Variants in DNAJC1 observed in about 807,000 individuals in gnomAD.
DNAJC1 encodes the protein dnaJ homolog subfamily C member 1.
A neutral mutation model predicts 76.6 loss-of-function variants in DNAJC1; 58 were observed. The observed-to-expected ratio is 0.76, with a 90% confidence interval of 0.61 to 0.94. DNAJC1 has a LOEUF of 0.94. Ranked by LOEUF, DNAJC1 falls within the 40% of genes least tolerant of loss-of-function variation. The pLI, the probability that DNAJC1 is intolerant of heterozygous loss-of-function variation, is 0.00. For missense variants in DNAJC1, 689 were observed against 677.3 expected, an observed-to-expected ratio of 1.02 and a Z score of -0.19; for synonymous variants, 258 against 267.9, an observed-to-expected ratio of 0.96 and a Z score of 0.36.
At chr10:21,925,382 A>G (rs1349054524) in intron 3 of DNAJC1, among the ~76,000 whole-genome samples, 1 of 152,130 alleles carries the variant, frequency 6.6e-6, no homozygotes, top group Non-Finnish European at 1.5e-5. Flanking sequence ...TTCATGCTAT[A>G]TATGTTCTTG....
chr10:21,849,353 T>A, intron 8 of DNAJC1, among the ~76,000 whole-genome samples: 1 of 115,698 alleles, frequency 8.6e-6, no homozygotes, highest in African/African-American at 3.3e-5. Flanking sequence ...GTATTTCAAA[T>A]TAATAATTTA....
chr10:21,980,716 G>T (rs1838141486), intron 1 of DNAJC1, among the ~76,000 whole-genome samples: 1 of 151,946 alleles, frequency 6.6e-6, no homozygotes, highest in African/African-American at 2.4e-5. Flanking sequence ...CCAGGTGAAA[G>T]GTATATGAGA....
At chr10:21,985,024 T>C (rs372360301) in intron 1 of DNAJC1, among the ~76,000 whole-genome samples, 3 of 152,238 alleles carry the variant, frequency 2.0e-5, no homozygotes, top group African/African-American at 7.2e-5. Context: ...TAGAAAATTC[T>C]GAAAATTTCC....
chr10:21,836,337 G>A (rs1019324841), intron 8 of DNAJC1, among the ~76,000 whole-genome samples: 54 of 152,066 alleles, frequency 3.6e-4, no homozygotes, highest in Non-Finnish European at 7.6e-4. Context: ...CACTAAACAT[G>A]GAAAGGAACA....
At chr10:21,815,359 T>C (rs1158495240) in intron 8 of DNAJC1, among the ~76,000 whole-genome samples, 11 of 152,196 alleles carry the variant, frequency 7.2e-5, no homozygotes, top group Non-Finnish European at 1.5e-5. Context: ...GATGTCCTCC[T>C]TGTGGGCCAA....
At chr10:21,777,065 T>C (rs1834461661) in intron 9 of DNAJC1, among the ~76,000 whole-genome samples, 1 of 152,180 alleles carries the variant, frequency 6.6e-6, no homozygotes, top group Non-Finnish European at 1.5e-5. Context: ...ATCAGAGTAA[T>C]AAAATAAATG....
rs1837409537 is a variant in DNAJC1, at chr10:21,941,399, A to T, written c.223-12258T>A. On this transcript the variant is annotated intron_variant, in intron 1 of 11. Transcript: ENST00000376980. ...GACAACTAGGGACATCTGAATAAAGACTGCTACTAGACGCTGTTAAGGAAT... is the reference window on the plus strand; with the variant it reads ...GACAACTAGGGACATCTGAATAAAGTCTGCTACTAGACGCTGTTAAGGAAT... Among the ~76,000 whole-genome samples, 3 of 152,012 alleles carry T rather than the reference A, an allele frequency of 2.0e-5. 1 individual carries two copies. In the South Asian group the frequency reaches 6.2e-4, roughly 32 times the overall value.
chr10:21,858,030 T>C (rs532383286), intron 8 of DNAJC1, among the ~76,000 whole-genome samples: 119 of 152,326 alleles, frequency 7.8e-4, no homozygotes, highest in Admixed American at 1.5e-3. Context: ...ACCACAGCTA[T>C]CTAATTAAAA....
intron 1 of DNAJC1, among the ~76,000 whole-genome samples, chr10:21,990,568 T>C (rs888958141): frequency 6.6e-6 from 1 of 152,164 alleles, no homozygotes; most frequent in Non-Finnish European, 1.5e-5. Context: ...CTGAGTAGTA[T>C]TATACAAAAA....
intron 8 of DNAJC1, among the ~76,000 whole-genome samples, chr10:21,864,078 G>C (rs1287969503): frequency 6.6e-6 from 1 of 152,052 alleles, no homozygotes; most frequent in East Asian, 1.9e-4. Context: ...ATGGTGCCGT[G>C]TGCCTGTAGT....
chr10:21,793,039 C>T (rs1221699488), intron 9 of DNAJC1, among the ~76,000 whole-genome samples: 2 of 152,088 alleles, frequency 1.3e-5, no homozygotes, highest in Non-Finnish European at 2.9e-5. Context: ...GGCACGGTGG[C>T]TCATGCCTAT....
At chr10:21,763,121 G>A (rs1238704934) in intron 10 of DNAJC1, among the ~76,000 whole-genome samples, 6 of 152,034 alleles carry the variant, frequency 3.9e-5, no homozygotes, top group Non-Finnish European at 5.9e-5. Flanking sequence ...AGTAGAGACC[G>A]GGTTTCACTA....
intron 8 of DNAJC1, among the ~76,000 whole-genome samples, chr10:21,817,387 CAT>C (rs1392144026): frequency 6.6e-6 from 1 of 152,064 alleles, no homozygotes; most frequent in East Asian, 1.9e-4. Context: ...ACTCTGACCA[CAT>C]GAGAAAGTCC....
intron 8 of DNAJC1, among the ~76,000 whole-genome samples, chr10:21,821,417 T>C (rs1299401958): frequency 4.6e-5 from 7 of 152,216 alleles, no homozygotes; most frequent in Non-Finnish European, 7.3e-5. Flanking sequence ...CTATAGATTA[T>C]AATCTCCTAA....
chr10:21,792,694 G>A (rs1044142629), intron 9 of DNAJC1, among the ~76,000 whole-genome samples: 1 of 151,614 alleles, frequency 6.6e-6, no homozygotes, highest in Non-Finnish European at 1.5e-5. Flanking sequence ...GGGAGGCAGA[G>A]GTTGCAGTGA....
chr10:21,941,062 T>C (rs1258601106), intron 1 of DNAJC1, among the ~76,000 whole-genome samples: 15 of 119,404 alleles, frequency 1.3e-4, no homozygotes, highest in Middle Eastern at 8.5e-3. Flanking sequence ...CCATCCTGGC[T>C]AACACGGTGA....
chr10:21,858,415 C>T (rs1835872382), intron 8 of DNAJC1, among the ~76,000 whole-genome samples: 1 of 152,088 alleles, frequency 6.6e-6, no homozygotes, highest in African/African-American at 2.4e-5. Flanking sequence ...ACCAGAATGC[C>T]ATTTACTTTA....
Position 21,980,669 on chromosome 10 carries a change from G to A in DNAJC1, c.222+22544C>T, listed in dbSNP as rs183996224. ...AACACTGTAACAGTGTTAATGTCCT[G>A]GTTTTTATCAATTTATTAAGGTTAC... is the stretch of plus-strand genomic sequence containing the variant. On this transcript the variant is annotated intron_variant, in intron 1 of 11. Coordinates refer to ENST00000376980, the MANE Select transcript of DNAJC1 (RefSeq NM_022365.4). Among the ~76,000 whole-genome samples the A allele has an allele frequency of 5.4e-4, 82 of 152,082 alleles. 2 individuals carry two copies. Among genetic ancestry groups the A allele is most frequent in the Admixed American group, 4.3e-3 (65 of 15,278 alleles).
chr10:21,948,346 T>C (rs1054427956), intron 1 of DNAJC1, among the ~76,000 whole-genome samples: 17 of 152,188 alleles, frequency 1.1e-4, no homozygotes, highest in South Asian at 2.1e-4. Flanking sequence ...CCAGAAATCA[T>C]TGCACAAAAT....
Sources: allele counts gnomAD v4.1 joint callset (sites outside exome capture counted in the v4.1 genomes callset), GRCh38; gene constraint gnomAD v4.1.1; transcripts MANE v1.5; gene names NCBI Gene and HGNC (gene_info 2026-07-23, HGNC 2026-07-21).